The following PCSK2 variants were observed in gnomAD, a reference collection of about 807,000 sequenced individuals.
The protein encoded by PCSK2 is proprotein convertase subtilisin/kexin type 2, also known as neuroendocrine convertase 2.
A neutral mutation model predicts 69.7 loss-of-function variants in PCSK2; 14 were observed. The ratio of observed to expected loss-of-function variants is 0.20; its 90% CI spans 0.13 to 0.31. The LOEUF is 0.31. Ranked by LOEUF, PCSK2 falls within the 10% of genes least tolerant of loss-of-function variation. The pLI is 1.00. For missense variants in PCSK2, 544 were observed against 842.5 expected (o/e 0.65, Z 4.39); for synonymous variants, 307 against 320.7 (o/e 0.96, Z 0.46).
At chr20:17,421,586 A>G (rs2032127359) in intron 6 of PCSK2, among the ~76,000 whole-genome samples, 1 of 152,096 alleles carries the variant, frequency 6.6e-6, no homozygotes, top group African/African-American at 2.4e-5. Context: ...GTTGTCTAAG[A>G]ATCTGTAGAT....
intron 4 of PCSK2, among the ~76,000 whole-genome samples, chr20:17,367,523 C>T (rs1222233057): frequency 1.3e-5 from 2 of 152,230 alleles, no homozygotes; most frequent in Admixed American, 6.5e-5. Context: ...ATTTCAAAGC[C>T]TATGCTCATC....
At chr20:17,410,867 T>C (rs531850555) in intron 6 of PCSK2, among the ~76,000 whole-genome samples, 10 of 152,210 alleles carry the variant, frequency 6.6e-5, no homozygotes, top group Non-Finnish European at 1.2e-4. Context: ...TTCAGCAGGA[T>C]TGATTACCAG....
chr20:17,241,977 A>G (rs1986594616), intron 1 of PCSK2, among the ~76,000 whole-genome samples: 1 of 152,234 alleles, frequency 6.6e-6, no homozygotes. Context: ...GTGAGGCTGT[A>G]TGTCAGATAA....
intron 5 of PCSK2, among the ~76,000 whole-genome samples, chr20:17,391,112 T>C (rs1367298463): frequency 2.0e-5 from 3 of 152,210 alleles, no homozygotes; most frequent in Non-Finnish European, 4.4e-5. Context: ...GAATAAGTTC[T>C]TAGAAGTGAA....
At chr20:17,330,319 C>A (rs1357895287) in intron 2 of PCSK2, among the ~76,000 whole-genome samples, 1 of 152,092 alleles carries the variant, frequency 6.6e-6, no homozygotes, top group Non-Finnish European at 1.5e-5. Flanking sequence ...CTTGGCCGGG[C>A]ACAGTGGCTC....
At chr20:17,433,055 G>C (rs2032401455) in intron 7 of PCSK2, among the ~76,000 whole-genome samples, 2 of 152,198 alleles carry the variant, frequency 1.3e-5, no homozygotes, top group South Asian at 4.1e-4. Flanking sequence ...CTAAGAGGGG[G>C]CCAGGCCAGG....
intron 11 of PCSK2, among the ~76,000 whole-genome samples, chr20:17,469,766 C>A (rs778854598): frequency 1.3e-5 from 2 of 152,114 alleles, no homozygotes; most frequent in African/African-American, 4.8e-5. Flanking sequence ...CAAGGGCATG[C>A]TAAATGTCAT....
At chr20:17,420,098 C>A (rs970403152) in intron 6 of PCSK2, among the ~76,000 whole-genome samples, 9 of 152,078 alleles carry the variant, frequency 5.9e-5, no homozygotes, top group Admixed American at 4.6e-4. Context: ...TTAGTTAAAC[C>A]TTCAAATAAG....
intron 8 of PCSK2, among the ~76,000 whole-genome samples, chr20:17,443,604 G>A (rs568605830): frequency 2.0e-5 from 3 of 152,220 alleles, no homozygotes; most frequent in East Asian, 3.9e-4. Context: ...AAAGAGAGTC[G>A]GGAAGGTAGG....
intron 2 of PCSK2, among the ~76,000 whole-genome samples, chr20:17,328,480 A>G (rs1990125063): frequency 6.6e-6 from 1 of 150,418 alleles, no homozygotes; most frequent in Admixed American, 6.6e-5. Context: ...ATGCAATTTT[A>G]TATATATTAA....
intron 5 of PCSK2, among the ~76,000 whole-genome samples, chr20:17,391,219 A>C (rs890824798): frequency 4.6e-5 from 7 of 152,206 alleles, no homozygotes; most frequent in African/African-American, 1.7e-4. Flanking sequence ...CTCCCAGGAG[A>C]ATCCCTTCTC....
At position 17,399,942 on chromosome 20, in the gene PCSK2, C is replaced by T. The variant is rs190356780; in HGVS notation, c.544-9321C>T. 1.6e-3 allele frequency among the ~76,000 whole-genome samples: 237 copies of T among 152,230 alleles called. 2 individuals carry two copies. Among genetic ancestry groups the T allele is most frequent in the Non-Finnish European group, 1.3e-3 (89 of 68,022 alleles). Reference sequence around the variant, plus strand: ...ACAGAGAACAAAGAAACAGGTTGAACCCTGCCATTGAAATCAGGAGAATTA... The same window carrying T: ...ACAGAGAACAAAGAAACAGGTTGAATCCTGCCATTGAAATCAGGAGAATTA... On this transcript the variant is annotated intron_variant, in intron 5 of 11. Coordinates refer to ENST00000262545, the MANE Select transcript of PCSK2 (RefSeq NM_002594.5).
intron 1 of PCSK2, among the ~76,000 whole-genome samples, chr20:17,255,825 T>A (rs1319997159): frequency 6.6e-6 from 1 of 152,206 alleles, no homozygotes; most frequent in Non-Finnish European, 1.5e-5. Context: ...TTGGTTATGA[T>A]GAAAATCCTT....
intron 11 of PCSK2, among the ~76,000 whole-genome samples, chr20:17,473,797 T>G (rs968994857): frequency 6.6e-6 from 1 of 152,196 alleles, no homozygotes; most frequent in Non-Finnish European, 1.5e-5. Context: ...TCGCTGCCTC[T>G]GGAATTCACA....
chr20:17,266,515 C>T (rs1987608731), intron 2 of PCSK2, among the ~76,000 whole-genome samples: 1 of 152,200 alleles, frequency 6.6e-6, no homozygotes, highest in Non-Finnish European at 1.5e-5. Flanking sequence ...ATAAGTTCCA[C>T]TTTGCACACT....
At chr20:17,456,567 A>G (rs1195042781) in intron 10 of PCSK2, 119 bp downstream of exon 10, 1 of 659,336 alleles carries the variant, frequency 1.5e-6, no homozygotes, top group African/African-American at 1.8e-5. Context: ...ATGAATAGTC[A>G]GGGCCAATGA....
intron 11 of PCSK2, chr20:17,479,213 C>T: frequency 1.5e-6 from 2 of 1,363,364 alleles, no homozygotes; most frequent in Non-Finnish European, 2.1e-6. Flanking sequence ...CATATGCGCT[C>T]TTCTGGACCA....
intron 5 of PCSK2, among the ~76,000 whole-genome samples, chr20:17,382,387 G>T (rs1381225945): frequency 2.6e-5 from 4 of 152,174 alleles, no homozygotes; most frequent in Admixed American, 6.5e-5. Context: ...CTAGTGATTT[G>T]CCTTAGCTCA....
At chr20:17,319,166 A>G (rs1989787760) in intron 2 of PCSK2, among the ~76,000 whole-genome samples, 1 of 152,206 alleles carries the variant, frequency 6.6e-6, no homozygotes, top group Non-Finnish European at 1.5e-5. Context: ...CCCATTTTAA[A>G]TAGTTACCAA....
Sources: gnomAD v4.1 joint callset for allele counts (sites outside exome capture counted in the v4.1 genomes callset) on GRCh38, gnomAD v4.1.1 for gene constraint, MANE v1.5 for transcripts, NCBI Gene and HGNC (gene_info 2026-07-23, HGNC 2026-07-21) for gene names.